WRAP53: variants seen among roughly 807,000 people sequenced by gnomAD.
WRAP53 encodes WD repeat containing antisense to TP53.
A neutral mutation model predicts 56.6 loss-of-function variants in WRAP53; 28 were observed. The observed-to-expected ratio is 0.50, with a 90% CI of 0.37 to 0.68. WRAP53 has a LOEUF of 0.68. Ranked by LOEUF, WRAP53 falls within the 30% of genes least tolerant of loss-of-function variation. The pLI is 0.00. For synonymous variants in WRAP53, 283 were observed against 283.4 expected (o/e 1.00, Z 0.01); for missense variants, 671 against 715.5 (o/e 0.94, Z 0.71).
At chr17:7,700,560 G>T (rs77282890) in intron 4 of WRAP53, among the ~76,000 whole-genome samples, 181 bp from the exon 5 acceptor site, 1 of 150,374 alleles carries the variant, frequency 6.7e-6, no homozygotes, top group Admixed American at 6.6e-5. Flanking sequence ...AAAAAAAAAA[G>T]TATGAATCTA....
Position 7,701,290 on chromosome 17 carries a change from A to C in WRAP53, c.732-169A>C, listed in dbSNP as rs1387258894. 3 of 736,404 alleles carry C rather than the reference A, an allele frequency of 4.1e-6. No individual in the cohort carries two copies. In the African/African-American group the frequency reaches 5.2e-5, roughly 13 times the overall value. 45.6% of individuals were successfully genotyped at this position (736,404 alleles called of 1,614,324 possible). On this transcript the variant is annotated intron_variant, in intron 5 of 10. Coordinates refer to ENST00000396463, the MANE Select transcript of WRAP53 (RefSeq NM_001143992.2). This position sits in a 1 kb window ranked among gnomAD's most constrained non-coding sequence, Gnocchi z 4.2. ...AGCCTCATTTTTGTATTTTTAGTAGAGACAGGGTTTCACCATGTTGGCCAG... is the reference window on the plus strand; with the variant it reads ...AGCCTCATTTTTGTATTTTTAGTAGCGACAGGGTTTCACCATGTTGGCCAG...
rs1177019881 is a variant in WRAP53, at chr17:7,692,746, C to CTTTT, written c.642+3066_642+3069dup. 3.4e-3 allele frequency among the ~76,000 whole-genome samples: 331 copies of CTTTT among 98,062 alleles called. 18 individuals carry two copies. The highest frequency in any genetic ancestry group is 0.014 in the African/African-American group (278 of 19,910). The allele number at this position is 98,062 out of a possible 152,430, so 64.3% of individuals were successfully genotyped here. A position where few individuals can be genotyped will look rare whatever the true frequency, so the allele number is the denominator to read the frequency against. On this transcript the variant is annotated intron_variant, in intron 4 of 10. Transcript: ENST00000396463. ...ACTAATGTCCTCTTGGGTCATTCTC[C>CTTTT]TTTTTTTTTTTTTTTTTTTTTTTTG...
chr17:7,687,874 G>A (rs935986159), upstream of WRAP53: 3 of 349,486 alleles, frequency 8.6e-6, no homozygotes, highest in African/African-American at 6.3e-5. Flanking sequence ...TTTTAGGAAG[G>A]CTTTCCGTAA....
At chr17:7,699,476 T>TATA (rs2074234978) in intron 4 of WRAP53, among the ~76,000 whole-genome samples, 1 of 11,400 alleles carries the variant, frequency 8.8e-5, no homozygotes, top group Non-Finnish European at 1.3e-4. Context: ...ATATATATAT[T>TATA]TATATATATA....
Position 7,703,359 on chromosome 17 carries a change from A to C in WRAP53, c.1520A>C (p.His507Pro). Residue 507 changes from histidine to proline, a missense_variant, in exon 11 of 11, where the codon CAC becomes CCC. His to Pro is a moderately conservative substitution (Grantham distance 77). Transcript: ENST00000396463. ...ELGLPLLSTR[H>P]VHLECRLQLW... ...GGCCTTCCCTTGCTCTCCACGCGCC[A>C]CGTCCACCTTGAATGTCGGCTTCAG... 3.1e-6 allele frequency: 5 copies of C among 1,613,862 alleles called. No homozygotes were observed. The East Asian group carries it at 1.1e-4, about 36-fold the overall frequency.
chr17:7,694,827 C>G (rs933727672), intron 4 of WRAP53, among the ~76,000 whole-genome samples: 3 of 147,594 alleles, frequency 2.0e-5, no homozygotes, highest in Non-Finnish European at 4.5e-5. Context: ...GACTCTGTCT[C>G]AAAACAAACA....
chr17:7,691,847 G>T (rs573288428), intron 4 of WRAP53, among the ~76,000 whole-genome samples: 125 of 149,686 alleles, frequency 8.4e-4, no homozygotes, highest in African/African-American at 2.9e-3. Flanking sequence ...TTTTTTGTTT[G>T]TTTGTTTGAG....
intron 4 of WRAP53, among the ~76,000 whole-genome samples, chr17:7,696,290 A>G (rs1367028044): frequency 1.3e-5 from 1 of 79,926 alleles, no homozygotes; most frequent in Admixed American, 1.6e-4. Context: ...GGACTCAGAG[A>G]TTTTTTTTTT....
intron 4 of WRAP53, among the ~76,000 whole-genome samples, chr17:7,691,752 T>C (rs1275210685): frequency 6.6e-6 from 1 of 151,996 alleles, no homozygotes; most frequent in Non-Finnish European, 1.5e-5. Flanking sequence ...CTCAAACTCC[T>C]GACCTCAGGT....
At chr17:7,693,454 C>T (rs1429384926) in intron 4 of WRAP53, among the ~76,000 whole-genome samples, 4 of 152,154 alleles carry the variant, frequency 2.6e-5, no homozygotes, top group African/African-American at 9.7e-5. Context: ...TGCGGTGGCT[C>T]ACGCCTATAA....
Position 7,703,259 on chromosome 17 carries a change from C to G in WRAP53, c.1420C>G (p.Pro474Ala), listed in dbSNP as rs771464995. The part of the protein sequence containing the change: ...TNGVSLHPSL[P>A]LLATASGQRV... ...CTCCCTCAGCCTGCACCCTAGCCTGCCTCTCCTGGCCACTGCCTCCGGTCA... is the reference window on the plus strand; with the variant it reads ...CTCCCTCAGCCTGCACCCTAGCCTGGCTCTCCTGGCCACTGCCTCCGGTCA... The change falls in exon 11 of 11, where the codon CCT becomes GCT. Residue 474 changes from proline to alanine, a missense_variant. By Grantham distance (27) the Pro-to-Ala change is conservative. Transcript: ENST00000396463. 1 of 1,613,660 alleles carries G rather than the reference C, an allele frequency of 6.2e-7. No individual in the cohort carries two copies. The highest frequency in any genetic ancestry group is 8.5e-7 in the Non-Finnish European group (1 of 1,180,026).
chr17:7,689,659 A>C lies in WRAP53; in HGVS notation c.600A>C (p.Pro200=), dbSNP rs35891829. 1 of 1,614,186 alleles carries C rather than the reference A, an allele frequency of 6.2e-7. No individual in the cohort carries two copies. The highest frequency in any genetic ancestry group is 8.5e-7 in the Non-Finnish European group (1 of 1,180,026). The change falls in exon 4 of 11, where the codon CCA becomes CCC. Residue 200 remains proline (P), a synonymous_variant. Transcript: ENST00000396463. ...TCTTGCGAATTTATAACCTGCCCCC[A>C]GAGCTGTACCATGAGGGGGAGCAGG... ...DNILRIYNLP[P]ELYHEGEQVE...
chr17:7,699,458 T>TTATATATATATATATTTATA (rs2074231245), intron 4 of WRAP53, among the ~76,000 whole-genome samples: 18 of 39,866 alleles, frequency 4.5e-4, no homozygotes, highest in African/African-American at 5.8e-4. Context: ...ATATATATAT[T>TTATATATATATATATTTATA]TATATATATA....
intron 4 of WRAP53, among the ~76,000 whole-genome samples, chr17:7,697,361 A>C (rs966850073): frequency 6.6e-6 from 1 of 151,122 alleles, no homozygotes; most frequent in African/African-American, 2.4e-5. Context: ...AGAGAAGAAA[A>C]GAAAAAGACA....
intron 4 of WRAP53, among the ~76,000 whole-genome samples, chr17:7,690,683 G>A (rs2074096215): frequency 6.6e-6 from 1 of 152,146 alleles, no homozygotes; most frequent in Non-Finnish European, 1.5e-5. Flanking sequence ...AGGCCGAGGT[G>A]TGCAGATCAC....
chr17:7,700,923 G>A, intron 5 of WRAP53, 94 bp downstream of exon 5: 1 of 939,908 alleles, frequency 1.1e-6, no homozygotes, highest in Non-Finnish European at 1.7e-6. Context: ...GTCTTTGGAG[G>A]AGGAAGGCTT....
chr17:7,687,403 G>C, upstream of WRAP53: 1 of 398,638 alleles, frequency 2.5e-6, no homozygotes, highest in Non-Finnish European at 4.4e-6. Flanking sequence ...TGTCACCGTC[G>C]TGGAAAGCAC....
At chr17:7,695,180 C>A (rs1597411915) in intron 4 of WRAP53, among the ~76,000 whole-genome samples, 2 of 152,076 alleles carry the variant, frequency 1.3e-5, no homozygotes, top group South Asian at 4.1e-4. Flanking sequence ...TGGTCTCGAT[C>A]TCCTGACCTC....
At chr17:7,686,764 C>G (rs2073993966), upstream of WRAP53, 1 of 152,304 alleles carries the variant, frequency 6.6e-6, no homozygotes, top group South Asian at 2.1e-4. Context: ...GCGGGCAAAC[C>G]CCTGGTTTAG....
Sources: gnomAD v4.1 joint callset for allele counts (sites outside exome capture counted in the v4.1 genomes callset) on GRCh38, gnomAD v4.1.1 for gene constraint, Gnocchi (gnomAD v3.1) non-coding constraint, MANE v1.5 for transcripts, NCBI Gene and HGNC (gene_info 2026-07-23, HGNC 2026-07-21) for gene names.